The following SEC14L5 variants were observed in gnomAD, a reference collection of about 807,000 sequenced individuals.
SEC14L5 encodes the protein SEC14 like lipid binding 5, also known as SEC14-like protein 5.
In SEC14L5, 96 loss-of-function variants were observed where a neutral mutation model predicts 84.6. The ratio of observed to expected loss-of-function variants is 1.13; its 90% confidence interval spans 0.96 to 1.34. The LOEUF is 1.34. SEC14L5 is among the 40% of genes most tolerant of loss of function. The pLI, the probability that SEC14L5 is intolerant of heterozygous loss-of-function variation, is 0.00. For missense variants in SEC14L5, 1,224 were observed against 942.5 expected (o/e 1.30, Z -3.91); for synonymous variants, 546 against 383.4 (o/e 1.42, Z -4.95).
chr16:4,982,073 T>A (rs911893304), intron 2 of SEC14L5, among the ~76,000 whole-genome samples: 1 of 152,134 alleles, frequency 6.6e-6, no homozygotes, highest in Non-Finnish European at 1.5e-5. Flanking sequence ...CTGATGTGTT[T>A]GTCGCAGCAA....
intron 2 of SEC14L5, among the ~76,000 whole-genome samples, chr16:4,966,523 C>T (rs1048480911): frequency 3.3e-5 from 5 of 152,054 alleles, no homozygotes; most frequent in East Asian, 1.9e-4. Flanking sequence ...AATCACCCGA[C>T]TTAGCCTCCC....
chr16:5,000,959 A>T, intron 10 of SEC14L5, 34 bp downstream of exon 10: 1 of 1,535,530 alleles, frequency 6.5e-7, no homozygotes, highest in South Asian at 1.2e-5. Flanking sequence ...ATCCCCCCTA[A>T]ACAGCAAAGA....
chr16:5,011,509 G>A (rs1451577322), intron 15 of SEC14L5, among the ~76,000 whole-genome samples: 1 of 152,194 alleles, frequency 6.6e-6, no homozygotes, highest in Admixed American at 6.5e-5. Context: ...TGAAACCTTG[G>A]GCAGAAGCTC....
chr16:5,011,947 T>A (rs1558561), intron 15 of SEC14L5, among the ~76,000 whole-genome samples: 1 of 152,020 alleles, frequency 6.6e-6, no homozygotes. Context: ...AAAGCACTTA[T>A]GATTTTGCAC....
Position 4,988,288 on chromosome 16 carries a change from C to T in SEC14L5, c.345+8C>T, listed in dbSNP as rs187775118. The T allele has an allele frequency of 4.5e-5, 73 of 1,613,328 alleles. No individual in the cohort carries two copies. The East Asian group carries it at 1.3e-3, about 29-fold the overall frequency. ...GAGCACTGCAGCTACACGGTGAGCC[C>T]AGGCCACCCTCAGCGCCCACGCCCG... is the stretch of plus-strand genomic sequence containing the variant. On this transcript the variant is annotated splice_region_variant and intron_variant, in intron 4 of 15. Transcript: ENST00000251170.
chr16:4,998,546 G>A (rs1297273176), intron 8 of SEC14L5, among the ~76,000 whole-genome samples: 12 of 148,748 alleles, frequency 8.1e-5, no homozygotes, highest in South Asian at 2.2e-4. Context: ...AGACCATCCC[G>A]GCTAAAACGG....
intron 2 of SEC14L5, among the ~76,000 whole-genome samples, chr16:4,976,654 G>C (rs139879051): frequency 5.8e-4 from 88 of 152,284 alleles, no homozygotes; most frequent in African/African-American, 2.0e-3. Flanking sequence ...CCAGGATGGG[G>C]ACCCGTAAGA....
intron 2 of SEC14L5, among the ~76,000 whole-genome samples, chr16:4,978,826 C>T (rs1337194065): frequency 6.6e-6 from 1 of 152,168 alleles, no homozygotes; most frequent in African/African-American, 2.4e-5. Flanking sequence ...TGGTCTCGAT[C>T]GCTTGACCTC....
intron 2 of SEC14L5, among the ~76,000 whole-genome samples, chr16:4,980,926 G>A (rs1200095684): frequency 6.6e-6 from 1 of 152,102 alleles, no homozygotes; most frequent in Non-Finnish European, 1.5e-5. Context: ...CCAAGCATCT[G>A]GAACAGCAAG....
chr16:5,008,384 C>T (rs779711540), intron 13 of SEC14L5, 37 bp from the exon 14 acceptor site: 54 of 1,486,566 alleles, frequency 3.6e-5, no homozygotes, highest in East Asian at 1.9e-4. Flanking sequence ...TCTACTCTCT[C>T]GGCCGTGACT....
intron 14 of SEC14L5, among the ~76,000 whole-genome samples, chr16:5,009,455 C>T (rs144897255): frequency 0.011 from 1,613 of 152,204 alleles, 35 homozygotes; most frequent in African/African-American, 0.037. Flanking sequence ...TTCTGAGTAG[C>T]TGGGACTACA....
intron 15 of SEC14L5, among the ~76,000 whole-genome samples, chr16:5,014,008 A>G (rs1003458126): frequency 2.0e-5 from 3 of 152,216 alleles, no homozygotes; most frequent in Non-Finnish European, 4.4e-5. Flanking sequence ...CTGCATCTCT[A>G]ACAAGCTCCG....
chr16:5,003,689 G>C, intron 11 of SEC14L5, 116 bp downstream of exon 11: 4 of 694,706 alleles, frequency 5.8e-6, no homozygotes, highest in Non-Finnish European at 9.4e-6. Context: ...TAACTTTTTG[G>C]AGATGAAACT....
At position 4,999,786 on chromosome 16, in the gene SEC14L5, ATGCCGGTAGTCCC is replaced by A. The variant is rs1191468218; in HGVS notation, c.971-868_971-856del. Among the ~76,000 whole-genome samples the A allele has an allele frequency of 2.0e-5, 3 of 151,774 alleles. No individual in the cohort carries two copies. In the East Asian group the frequency reaches 5.8e-4, roughly 29 times the overall value. ...AAAAATTAGCCAAGCGTGGTGGTGC[ATGCCGGTAGTCCC>A]AGCTACCTGGGAGGCCGAGGTGTGA... On this transcript the variant is annotated intron_variant, in intron 8 of 15. Transcript: ENST00000251170.
chr16:5,006,886 G>A (rs1955737832), intron 12 of SEC14L5, among the ~76,000 whole-genome samples: 1 of 152,028 alleles, frequency 6.6e-6, no homozygotes, highest in African/African-American at 2.4e-5. Flanking sequence ...TTCTGCCAAG[G>A]CCTGGCCATC....
In SEC14L5 at chr16:5,011,274, G is replaced by T. The variant is rs1955799718; in HGVS notation, c.1979+1G>T. On this transcript the variant is annotated splice_donor_variant, in intron 15 of 15. Coordinates refer to ENST00000251170, the MANE Select transcript of SEC14L5 (RefSeq NM_014692.2). LOFTEE classifies it high-confidence loss of function. The stretch of plus-strand genomic sequence containing the variant: ...AGGTGCTCGCCTCTGAGGACTTCAG[G>T]TAGGAGGGCTCCGGAGCGGGGTCCT... 6.2e-6 allele frequency: 10 copies of T among 1,610,622 alleles called. No individual in the cohort carries two copies. The highest frequency in any genetic ancestry group is 8.5e-6 in the Non-Finnish European group (10 of 1,177,244).
intron 2 of SEC14L5, among the ~76,000 whole-genome samples, chr16:4,971,150 G>A (rs775146968): frequency 5.3e-5 from 8 of 151,436 alleles, no homozygotes; most frequent in Non-Finnish European, 1.2e-4. Context: ...ATGGGTTAGG[G>A]AACTTGTTAA....
At chr16:5,000,512 G>A (rs915286914) in intron 8 of SEC14L5, 143 bp from the exon 9 acceptor site, 21 of 633,358 alleles carry the variant, frequency 3.3e-5, no homozygotes, top group Non-Finnish European at 5.6e-5. Flanking sequence ...AAGCAGGCAG[G>A]GTGTTAGTAA....
In SEC14L5 at chr16:5,017,172, C is replaced by T. The variant is rs1027344651; in HGVS notation, c.*2202C>T. 2.7e-5 allele frequency: 3 copies of T among 112,310 alleles called. No individual in the cohort carries two copies. The highest frequency in any genetic ancestry group is 2.5e-4 in the East Asian group (1 of 3,928). The allele number at this position is 112,310 out of a possible 1,614,324, so 7.0% of individuals were successfully genotyped here. On this transcript the variant is annotated 3_prime_UTR_variant, in exon 16 of 16. Coordinates refer to ENST00000251170, the MANE Select transcript of SEC14L5 (RefSeq NM_014692.2). ...CGGAAGGAAGCTGGAACTGCCTGTTCCAGAGGCGGGTGGGGGGAGGGGAGT... is the reference window on the plus strand; with the variant it reads ...CGGAAGGAAGCTGGAACTGCCTGTTTCAGAGGCGGGTGGGGGGAGGGGAGT...
Sources: allele counts gnomAD v4.1 joint callset (sites outside exome capture counted in the v4.1 genomes callset), GRCh38; gene constraint gnomAD v4.1.1; transcripts MANE v1.5; gene names NCBI Gene and HGNC (gene_info 2026-07-23, HGNC 2026-07-21).